ROBO2: variants seen among roughly 807,000 people sequenced by gnomAD.
ROBO2 encodes the protein roundabout guidance receptor 2.
A neutral mutation model predicts 160.8 loss-of-function variants in ROBO2; 53 were observed. That is an observed-to-expected ratio of 0.33 (90% CI 0.26 to 0.41). The LOEUF (loss-of-function observed/expected upper bound fraction) is 0.41, where lower values mean the gene tolerates loss of function less well. Ranked by LOEUF, ROBO2 falls within the 10% of genes least tolerant of loss-of-function variation. ROBO2 has a pLI of 1.00. For synonymous variants in ROBO2, 664 were observed against 611.7 expected (o/e 1.09, Z -1.26); for missense variants, 1,577 against 1,722.4 (o/e 0.92, Z 1.49).
At chr3:76,706,064 T>C (rs1023492506) in intron 2 of ROBO2, among the ~76,000 whole-genome samples, 12 of 152,136 alleles carry the variant, frequency 7.9e-5, no homozygotes, top group African/African-American at 2.9e-4. Flanking sequence ...TTTATAGTAA[T>C]CCATAGAAGA....
intron 2 of ROBO2, among the ~76,000 whole-genome samples, chr3:76,033,040 G>C (rs1265359673): frequency 6.6e-6 from 1 of 151,864 alleles, no homozygotes; most frequent in Non-Finnish European, 1.5e-5. Flanking sequence ...AACACATTCT[G>C]ACTGGCTTTA....
intron 2 of ROBO2, among the ~76,000 whole-genome samples, chr3:76,457,912 C>T (rs1449827246): frequency 6.6e-6 from 1 of 152,066 alleles, no homozygotes; most frequent in African/African-American, 2.4e-5. Flanking sequence ...ACACAGGGTA[C>T]CAAGTCTCTC....
chr3:77,097,610 C>T (rs1238708410), intron 1 of ROBO2, among the ~76,000 whole-genome samples: 1 of 152,134 alleles, frequency 6.6e-6, no homozygotes, highest in Admixed American at 6.5e-5. Flanking sequence ...ATTGGCAGCA[C>T]ATTAAATGCT....
At chr3:76,547,952 G>T (rs948891442) in intron 2 of ROBO2, among the ~76,000 whole-genome samples, 1 of 152,066 alleles carries the variant, frequency 6.6e-6, no homozygotes, top group Admixed American at 6.5e-5. Flanking sequence ...TACAGTCCTG[G>T]TAAGATTGAA....
intron 2 of ROBO2, among the ~76,000 whole-genome samples, chr3:77,234,990 G>A (rs62249662): frequency 0.029 from 4,449 of 152,160 alleles, 76 homozygotes; most frequent in Middle Eastern, 0.058. Flanking sequence ...TATAATTTTA[G>A]CGTACAAAAG....
intron 8 of ROBO2, among the ~76,000 whole-genome samples, chr3:77,556,699 A>G (rs1028930063): frequency 6.6e-6 from 1 of 151,964 alleles, no homozygotes; most frequent in Non-Finnish European, 1.5e-5. Context: ...TTGCAATACA[A>G]GGTGAGTTTT....
intron 2 of ROBO2, among the ~76,000 whole-genome samples, chr3:76,813,722 T>C (rs1361179576): frequency 2.6e-5 from 4 of 152,134 alleles, no homozygotes; most frequent in Non-Finnish European, 5.9e-5. Context: ...CTCACCTTGA[T>C]ACATACACAT....
At chr3:76,914,458 GT>G (rs547556429) in intron 2 of ROBO2, among the ~76,000 whole-genome samples, 1,824 of 146,264 alleles carry the variant, frequency 0.012, 32 homozygotes, top group African/African-American at 0.042. Context: ...TTTGCACATT[GT>G]TTTTTTTTTT....
rs146602994 is a variant in ROBO2, at chr3:76,082,664, C to T, written c.109+145062C>T. ...ACTTTACATAGATTGATTTGAATCACCTTCTTTAAATAACAGTCGCTGCTA... is the reference window on the plus strand; with the variant it reads ...ACTTTACATAGATTGATTTGAATCATCTTCTTTAAATAACAGTCGCTGCTA... On this transcript the variant is annotated intron_variant, in intron 2 of 26. Transcript: ENST00000487694. Among the ~76,000 whole-genome samples, 762 of 152,158 alleles carry T rather than the reference C, an allele frequency of 5.0e-3. 6 individuals carry two copies. Among genetic ancestry groups the T allele is most frequent in the Admixed American group, 0.012 (177 of 15,272 alleles).
Position 75,972,459 on chromosome 3 carries a change from C to T in ROBO2, c.109+34857C>T, listed in dbSNP as rs77394006. Reference sequence around the variant, plus strand: ...AAATAGTAAAGACCAAAGACAAATTCTGGAAAATGGATGGCATCTTGAAAG... The same window carrying T: ...AAATAGTAAAGACCAAAGACAAATTTTGGAAAATGGATGGCATCTTGAAAG... On this transcript the variant is annotated intron_variant, in intron 2 of 26. Coordinates refer to the ROBO2 transcript ENST00000487694. 6.8e-3 allele frequency among the ~76,000 whole-genome samples: 1,039 copies of T among 151,694 alleles called. 70 individuals carry two copies. In the East Asian group the frequency reaches 0.17, roughly 25 times the overall value.
At chr3:76,655,768 A>AGAAG (rs1385564216) in intron 2 of ROBO2, among the ~76,000 whole-genome samples, 6 of 143,872 alleles carry the variant, frequency 4.2e-5, no homozygotes, top group African/African-American at 1.7e-4. Context: ...AAGGAAGGAA[A>AGAAG]GAAGGAAGGA....
At chr3:77,329,675 A>G (rs1320341275) in intron 2 of ROBO2, among the ~76,000 whole-genome samples, 1 of 152,174 alleles carries the variant, frequency 6.6e-6, no homozygotes, top group South Asian at 2.1e-4. Context: ...TGTGCCTCAC[A>G]TTGGGTCTAT....
At chr3:77,461,437 T>C (rs1042212439) in intron 2 of ROBO2, among the ~76,000 whole-genome samples, 1 of 152,012 alleles carries the variant, frequency 6.6e-6, no homozygotes, top group Non-Finnish European at 1.5e-5. Flanking sequence ...TGGAATATAA[T>C]ACATTTTATG....
chr3:77,463,314 T>G (rs1041607798), intron 2 of ROBO2, among the ~76,000 whole-genome samples: 19 of 152,272 alleles, frequency 1.2e-4, no homozygotes, highest in African/African-American at 4.3e-4. Flanking sequence ...AAATCAACTT[T>G]TAAAATGAAC....
At chr3:76,272,916 A>T (rs1181330197) in intron 2 of ROBO2, among the ~76,000 whole-genome samples, 3 of 22,970 alleles carry the variant, frequency 1.3e-4, no homozygotes, top group African/African-American at 3.2e-4. Flanking sequence ...TTTATATATA[A>T]AATATATATA....
chr3:77,075,672 C>CTTTTTTTT lies in ROBO2; in HGVS notation c.62-22326_62-22319dup, dbSNP rs1174587812. On this transcript the variant is annotated intron_variant, in intron 1 of 25. Coordinates refer to ENST00000461745, the Ensembl canonical transcript of ROBO2. ...ATACACTACTATTTCTTTCTTTCTC[C>CTTTTTTTT]TTTTTTTTTTTTTTTTTTTTTTTGA... Among the ~76,000 whole-genome samples, 197 of 87,242 alleles carry CTTTTTTTT rather than the reference C, an allele frequency of 2.3e-3. 4 individuals carry two copies. Among genetic ancestry groups the CTTTTTTTT allele is most frequent in the East Asian group, 4.4e-3 (10 of 2,292 alleles). 57.2% of individuals were successfully genotyped at this position (87,242 alleles called of 152,430 possible).
chr3:76,977,108 A>C (rs2149308803), intron 2 of ROBO2, among the ~76,000 whole-genome samples: 1 of 152,336 alleles, frequency 6.6e-6, no homozygotes, highest in African/African-American at 2.4e-5. Context: ...CAGAAAGGAA[A>C]GCAAGAAGTA....
intron 2 of ROBO2, among the ~76,000 whole-genome samples, chr3:75,984,357 TAA>T (rs958701533): frequency 6.6e-6 from 1 of 151,488 alleles, no homozygotes; most frequent in Admixed American, 6.6e-5. Flanking sequence ...TTTTTAACTG[TAA>T]AAAACACAGA....
intron 2 of ROBO2, among the ~76,000 whole-genome samples, chr3:76,448,234 T>C (rs936935632): frequency 2.0e-5 from 3 of 152,158 alleles, no homozygotes; most frequent in African/African-American, 7.2e-5. Flanking sequence ...AGGTAGCAAA[T>C]TTAAACTAAT....
Sources: allele counts gnomAD v4.1 joint callset (sites outside exome capture counted in the v4.1 genomes callset), GRCh38; gene constraint gnomAD v4.1.1; transcripts MANE v1.5; gene names NCBI Gene and HGNC (gene_info 2026-07-23, HGNC 2026-07-21).